BMPER: variants seen among roughly 807,000 people sequenced by gnomAD.
The protein encoded by BMPER is BMP-binding endothelial regulator protein.
Under a neutral mutation model 87.3 loss-of-function variants are expected in BMPER, and 45 were observed. That is an observed-to-expected ratio of 0.52 (90% CI 0.41 to 0.66). BMPER has a LOEUF of 0.66. Among genes scored for constraint, BMPER ranks in the 30% least tolerant of loss-of-function variants. The pLI is 0.00. For synonymous variants in BMPER, 326 were observed against 316.2 expected (o/e 1.03, Z -0.33); for missense variants, 784 against 867.5 (o/e 0.90, Z 1.21).
At chr7:33,958,805 A>G (rs1785204766) in intron 3 of BMPER, among the ~76,000 whole-genome samples, 1 of 152,010 alleles carries the variant, frequency 6.6e-6, no homozygotes, top group Admixed American at 6.6e-5. Flanking sequence ...GGTCCTTGTT[A>G]TGTGTTCTAT....
At chr7:34,086,208 A>G (rs933018720) in intron 13 of BMPER, 116 bp downstream of exon 13, 3 of 1,205,986 alleles carry the variant, frequency 2.5e-6, no homozygotes, top group South Asian at 1.3e-5. Flanking sequence ...AACCCAGGGT[A>G]GGCATCTTCT....
At chr7:34,056,616 CTT>C (rs34663962) in intron 9 of BMPER, among the ~76,000 whole-genome samples, 12,505 of 130,926 alleles carry the variant, frequency 0.096, 917 homozygotes, top group African/African-American at 0.21. Flanking sequence ...GTGCAATGCA[CTT>C]TTTTTTTTTT....
intron 13 of BMPER, among the ~76,000 whole-genome samples, chr7:34,118,973 A>ATCTC (rs150887903): frequency 1.6e-5 from 2 of 127,792 alleles, no homozygotes; most frequent in Admixed American, 8.3e-5. Flanking sequence ...ATTCCTTAAA[A>ATCTC]TCTCTCTCTC....
chr7:34,031,293 T>C (rs1241043754), intron 6 of BMPER, among the ~76,000 whole-genome samples: 4 of 152,122 alleles, frequency 2.6e-5, no homozygotes, highest in African/African-American at 9.7e-5. Context: ...TGTGTCAGCA[T>C]GTGCTGTTTT....
intron 3 of BMPER, among the ~76,000 whole-genome samples, chr7:33,952,976 A>C (rs1257837437): frequency 6.6e-6 from 1 of 152,218 alleles, no homozygotes; most frequent in Admixed American, 6.5e-5. Flanking sequence ...CATCAGAGCC[A>C]GCTAATTATG....
rs202026002 is a variant in BMPER, at chr7:34,019,120, A to G, written c.577-27186A>G. Among the ~76,000 whole-genome samples the G allele has an allele frequency of 2.1e-4, 32 of 152,134 alleles. No homozygotes were observed. In the East Asian group the frequency reaches 6.2e-3, roughly 30 times the overall value. The stretch of plus-strand genomic sequence containing the variant: ...AGATGATGATCTTTGGGGAATGAGC[A>G]TCTTGCTTTGGAGATCGAATTGCCT... On this transcript the variant is annotated intron_variant, in intron 6 of 14. Transcript: ENST00000649409.
At chr7:34,115,086 A>G (rs1257690600) in intron 13 of BMPER, among the ~76,000 whole-genome samples, 2 of 152,356 alleles carry the variant, frequency 1.3e-5, no homozygotes, top group Non-Finnish European at 2.9e-5. Flanking sequence ...ATACTATATA[A>G]AAATGGCTTT....
intron 3 of BMPER, among the ~76,000 whole-genome samples, chr7:33,950,295 G>T (rs563234336): frequency 6.6e-6 from 1 of 152,252 alleles, no homozygotes; most frequent in East Asian, 1.9e-4. Flanking sequence ...TCAGAATGGG[G>T]GTAGTCTCAG....
At chr7:34,075,010 A>G (rs937380869) in intron 11 of BMPER, among the ~76,000 whole-genome samples, 1 of 148,808 alleles carries the variant, frequency 6.7e-6, no homozygotes, top group Non-Finnish European at 1.5e-5. Flanking sequence ...AGTTTCTCTT[A>G]TTTTTTTTTT....
In BMPER at chr7:34,143,326, C is replaced by T; in HGVS notation, c.1842C>T (p.Ile614=). 8.1e-6 allele frequency: 13 copies of T among 1,614,010 alleles called. No homozygotes were observed. The highest frequency in any genetic ancestry group is 1.1e-5 in the Non-Finnish European group (13 of 1,179,948). ...AYTRACQREG[I]KVHWEPQQNC... is the part of the protein sequence containing the mutation. ...CCCGGGCCTGCCAGAGAGAGGGCAT[C>T]AAAGTCCACTGGGAGCCTCAGCAGA... The change falls in exon 14 of 15, where the codon ATC becomes ATT. Residue 614 remains isoleucine, a synonymous_variant. Coordinates refer to ENST00000649409, the MANE Select transcript of BMPER (RefSeq NM_001365308.1).
intron 2 of BMPER, among the ~76,000 whole-genome samples, chr7:33,919,887 C>A (rs1282228067): frequency 6.6e-6 from 1 of 151,368 alleles, no homozygotes; most frequent in African/African-American, 2.4e-5. Context: ...TAGTCCTTGA[C>A]TGTGCTAGAT....
intron 5 of BMPER, 151 bp downstream of exon 5, chr7:33,970,570 C>T (rs1015203803): frequency 7.8e-5 from 65 of 828,918 alleles, no homozygotes; most frequent in Middle Eastern, 6.7e-4. Context: ...TAGAAATATC[C>T]GCTTGGCTGC....
chr7:33,964,656 C>T (rs1334010961), intron 3 of BMPER, among the ~76,000 whole-genome samples: 1 of 152,156 alleles, frequency 6.6e-6, no homozygotes, highest in Non-Finnish European at 1.5e-5. Context: ...GGTGCTCCTC[C>T]TGGGAGCCCT....
intron 11 of BMPER, among the ~76,000 whole-genome samples, chr7:34,065,804 C>T (rs1277949444): frequency 6.6e-6 from 1 of 152,180 alleles, no homozygotes; most frequent in Non-Finnish European, 1.5e-5. Flanking sequence ...TTACTCCTGA[C>T]TTCATCATAT....
intron 13 of BMPER, among the ~76,000 whole-genome samples, chr7:34,137,658 A>C (rs1790755181): frequency 6.6e-6 from 1 of 152,238 alleles, no homozygotes; most frequent in African/African-American, 2.4e-5. Context: ...AGGAATTTGA[A>C]TTAAGTCTTA....
At chr7:34,070,110 C>T (rs1366029482) in intron 11 of BMPER, among the ~76,000 whole-genome samples, 1 of 152,166 alleles carries the variant, frequency 6.6e-6, no homozygotes, top group Non-Finnish European at 1.5e-5. Context: ...TTTGTTTAAG[C>T]TTTGAGGTCC....
At chr7:34,060,138 A>G (rs1420661582) in intron 10 of BMPER, among the ~76,000 whole-genome samples, 2 of 152,060 alleles carry the variant, frequency 1.3e-5, no homozygotes, top group Non-Finnish European at 2.9e-5. Context: ...CTAATTGCAT[A>G]TTACACAGGT....
intron 2 of BMPER, among the ~76,000 whole-genome samples, chr7:33,918,972 C>T (rs1585634738): frequency 6.6e-6 from 1 of 152,218 alleles, no homozygotes; most frequent in East Asian, 1.9e-4. Context: ...GTTGGAGGAA[C>T]CAGCCCTTTT....
intron 12 of BMPER, among the ~76,000 whole-genome samples, chr7:34,082,328 G>GTT (rs55748957): frequency 0.079 from 9,217 of 116,342 alleles, 585 homozygotes; most frequent in Non-Finnish European, 0.095. Flanking sequence ...CAACTTATTA[G>GTT]TTTTTTTTTT....
Sources: allele counts gnomAD v4.1 joint callset (sites outside exome capture counted in the v4.1 genomes callset), GRCh38; gene constraint gnomAD v4.1.1; transcripts MANE v1.5; gene names NCBI Gene and HGNC (gene_info 2026-07-23, HGNC 2026-07-21).